The following PI4KA variants were observed in gnomAD, a reference collection of about 807,000 sequenced individuals.
The protein encoded by PI4KA is phosphatidylinositol 4-kinase alpha.
PI4KA carries 122 observed loss-of-function variants against 271.4 expected under a neutral mutation model. The ratio of observed to expected loss-of-function variants is 0.45; its 90% confidence interval spans 0.39 to 0.52. PI4KA has a LOEUF of 0.52. PI4KA is among the 20% of genes least tolerant of loss of function. The pLI is 0.00. For missense variants in PI4KA, 1,969 were observed against 2,769.1 expected, an observed-to-expected ratio of 0.71 and a Z score of 6.48; for synonymous variants, 1,041 against 1,078.8, an observed-to-expected ratio of 0.96 and a Z score of 0.69.
At position 20,751,759 on chromosome 22, in the gene PI4KA, C is replaced by G. The variant is rs771650693; in HGVS notation, c.2988-4G>C. ...GCTCCAGAGCAAGTGGGGAAACCTG[C>G]ACCAAGAGCCAGCTCTCAGGACCAA... On this transcript the variant is annotated splice_polypyrimidine_tract_variant and splice_region_variant and intron_variant, in intron 25 of 54. Coordinates refer to ENST00000255882, the MANE Select transcript of PI4KA (RefSeq NM_058004.4). 1 of 1,613,612 alleles carries G rather than the reference C, an allele frequency of 6.2e-7. No homozygotes were observed. Among genetic ancestry groups the G allele is most frequent in the Non-Finnish European group, 8.5e-7 (1 of 1,179,548 alleles).
At chr22:20,810,370 G>A (rs996330034) in intron 9 of PI4KA, among the ~76,000 whole-genome samples, 1 of 152,090 alleles carries the variant, frequency 6.6e-6, no homozygotes, top group Non-Finnish European at 1.5e-5. Flanking sequence ...TTAGCTGGGT[G>A]TGGTGGAGGG....
chr22:20,819,052 C>T (rs563903741), intron 6 of PI4KA, among the ~76,000 whole-genome samples: 6 of 152,222 alleles, frequency 3.9e-5, no homozygotes, highest in African/African-American at 9.6e-5. Context: ...AATCAGAGGC[C>T]GCAAAGGCCT....
At chr22:20,757,435 A>G (rs2147356204) in intron 23 of PI4KA, among the ~76,000 whole-genome samples, 1 of 152,334 alleles carries the variant, frequency 6.6e-6, no homozygotes, top group Non-Finnish European at 1.5e-5. Context: ...TGTCACAGGA[A>G]CAGAAAAACA....
chr22:20,753,853 A>T (rs1208915358), intron 23 of PI4KA, among the ~76,000 whole-genome samples: 1 of 151,964 alleles, frequency 6.6e-6, no homozygotes, highest in African/African-American at 2.4e-5. Flanking sequence ...CGCCCGGCTA[A>T]TTTTTTGTAT....
At chr22:20,838,875 G>C in intron 1 of PI4KA, 144 bp from the exon 2 acceptor site, 1 of 599,648 alleles carries the variant, frequency 1.7e-6, no homozygotes, top group Non-Finnish European at 3.0e-6. Context: ...TTGGGAGTTT[G>C]AGACTAGCCT....
At chr22:20,846,863 G>A (rs1427569223) in intron 1 of PI4KA, among the ~76,000 whole-genome samples, 2 of 147,238 alleles carry the variant, frequency 1.4e-5, no homozygotes, top group African/African-American at 5.0e-5. Context: ...AAAAAGGGTG[G>A]GGGGCCAGGT....
In PI4KA at chr22:20,779,557, T is replaced by C. The variant is rs369438159; in HGVS notation, c.2328+13636A>G. On this transcript the variant is annotated intron_variant, in intron 19 of 54. Coordinates refer to ENST00000255882, the MANE Select transcript of PI4KA (RefSeq NM_058004.4). ...GAGGAGGACGACGACTATCTGGACC[T>C]GGAGAAGATATTCAGTGAAGACGAC... The C allele has an allele frequency of 1.4e-5, 23 of 1,614,064 alleles. No individual in the cohort carries two copies. In the African/African-American group the frequency reaches 2.9e-4, roughly 21 times the overall value.
intron 4 of PI4KA, among the ~76,000 whole-genome samples, chr22:20,821,588 C>CTTTTGTTT (rs1353250108): frequency 4.5e-5 from 4 of 88,716 alleles, no homozygotes; most frequent in Non-Finnish European, 6.9e-5. Flanking sequence ...AATCCCAGCA[C>CTTTTGTTT]TTTTGTTTGT....
chr22:20,748,588 G>A (rs950756543), intron 28 of PI4KA, among the ~76,000 whole-genome samples: 2 of 152,226 alleles, frequency 1.3e-5, no homozygotes, highest in East Asian at 1.9e-4. Flanking sequence ...CAAGGGTCTC[G>A]AGGGTGGGGG....
Position 20,817,734 on chromosome 22 carries a change from CAAAAAAAAAAAAAAAAAA to C in PI4KA, c.856+731_856+748del, listed in dbSNP as rs361731. Among the ~76,000 whole-genome samples the C allele has an allele frequency of 7.8e-3, 109 of 13,972 alleles. 1 individual carries two copies. Among genetic ancestry groups the C allele is most frequent in the South Asian group, 0.026 (5 of 192 alleles). The allele number at this position is 13,972 out of a possible 152,430, so 9.2% of individuals were successfully genotyped here. A position where few individuals can be genotyped will look rare whatever the true frequency, so the allele number is the denominator to read the frequency against. On this transcript the variant is annotated intron_variant, in intron 7 of 54. Transcript: ENST00000255882. ...GGGTGGCAGAGTGAGACTCTCTCTCCAAAAAAAAAAAAAAAAAAAAAAAAAAAAAAAAAAAAAAGTAGT... is the reference window on the plus strand; with the variant it reads ...GGGTGGCAGAGTGAGACTCTCTCTCCAAAAAAAAAAAAAAAAAAAAGTAGT...
intron 29 of PI4KA, among the ~76,000 whole-genome samples, chr22:20,746,058 A>G (rs7290230): frequency 0.38 from 40,949 of 107,164 alleles, 8,095 homozygotes; most frequent in African/African-American, 0.45. Flanking sequence ...AAAAAAAAAA[A>G]GAATTTTTTT....
At chr22:20,826,023 C>G (rs1482874855) in intron 3 of PI4KA, among the ~76,000 whole-genome samples, 1 of 152,176 alleles carries the variant, frequency 6.6e-6, no homozygotes, top group African/African-American at 2.4e-5. Context: ...ATAACGGTCT[C>G]CAGCTCCATC....
At chr22:20,764,646 G>A in intron 22 of PI4KA, 171 bp downstream of exon 22, 4 of 585,862 alleles carry the variant, frequency 6.8e-6, no homozygotes, top group Admixed American at 3.4e-5. Context: ...GTGTCTGGTG[G>A]TCATGAAGGA....
intron 42 of PI4KA, chr22:20,725,304 C>G (rs758894157): frequency 1.5e-5 from 3 of 199,878 alleles, no homozygotes; most frequent in African/African-American, 4.6e-5. Flanking sequence ...AGAGGCGGCT[C>G]GGGCTCCTGG....
intron 7 of PI4KA, among the ~76,000 whole-genome samples, chr22:20,817,178 C>T (rs1385708691): frequency 6.6e-6 from 1 of 152,126 alleles, no homozygotes; most frequent in East Asian, 1.9e-4. Context: ...CAGATATTCC[C>T]TTTTTCCTTC....
intron 10 of PI4KA, among the ~76,000 whole-genome samples, chr22:20,807,032 G>A (rs1372412800): frequency 6.6e-6 from 1 of 152,100 alleles, no homozygotes; most frequent in South Asian, 2.1e-4. Flanking sequence ...ACTGTGCCTG[G>A]CCTCTTTTTT....
Position 20,742,656 on chromosome 22 carries a change from A to G in PI4KA, c.3565T>C (p.Tyr1189His), listed in dbSNP as rs759976751. 1.2e-6 allele frequency: 2 copies of G among 1,614,182 alleles called. No homozygotes were observed. The highest frequency in any genetic ancestry group is 1.7e-6 in the Non-Finnish European group (2 of 1,180,004). ...GTCAGCTTGAACATGGCCTGCGTGTAGTGCTGAGGATGACTGCGGTCTAAA... is the reference window on the plus strand; with the variant it reads ...GTCAGCTTGAACATGGCCTGCGTGTGGTGCTGAGGATGACTGCGGTCTAAA... ...SALDRSHPQH[Y>H]TQAMFKLTAM... Residue 1189 changes from tyrosine to histidine, a missense_variant, in exon 31 of 55, where the codon TAC (tyrosine) becomes CAC (histidine). Transcript: ENST00000255882.
chr22:20,857,885 G>A (rs1482889573), intron 1 of PI4KA, among the ~76,000 whole-genome samples: 2 of 152,152 alleles, frequency 1.3e-5, no homozygotes, highest in African/African-American at 4.8e-5. Context: ...GGATTGCTCT[G>A]GCATGACTTC....
At position 20,734,670 on chromosome 22, in the gene PI4KA, A is replaced by G. The variant is rs571719964; in HGVS notation, c.3742-117T>C. Reference sequence around the variant, plus strand: ...CACTGAATAAGATTTAGAAACCAAGAAAAGTATGAAGAAAAAAATGAAGAT... The same window carrying G: ...CACTGAATAAGATTTAGAAACCAAGGAAAGTATGAAGAAAAAAATGAAGAT... On this transcript the variant is annotated intron_variant, in intron 32 of 54. Transcript: ENST00000255882. 7.2e-4 allele frequency: 785 copies of G among 1,087,782 alleles called. 6 individuals are homozygous for G. Among genetic ancestry groups the G allele is most frequent in the South Asian group, 5.8e-3 (371 of 64,386 alleles). 67.4% of individuals were successfully genotyped at this position (1,087,782 alleles called of 1,614,324 possible). A position where few individuals can be genotyped will look rare whatever the true frequency, so the allele number is the denominator to read the frequency against.
Sources: gnomAD v4.1 joint callset for allele counts (sites outside exome capture counted in the v4.1 genomes callset) on GRCh38, gnomAD v4.1.1 for gene constraint, MANE v1.5 for transcripts, NCBI Gene and HGNC (gene_info 2026-07-23, HGNC 2026-07-21) for gene names.